Variants in KBTBD8 observed in about 807,000 individuals in gnomAD.
KBTBD8 encodes kelch repeat and BTB domain containing 8.
Under a neutral mutation model 53.5 loss-of-function variants are expected in KBTBD8, and 31 were observed. That is an observed-to-expected ratio of 0.58 (90% CI 0.44 to 0.78). The LOEUF (loss-of-function observed/expected upper bound fraction) is 0.78, where lower values mean the gene tolerates loss of function less well. KBTBD8 is among the 30% of genes least tolerant of loss of function. The probability of loss-of-function intolerance (pLI) is 0.00; values close to 1 mark genes in which losing one functional copy is unlikely to be tolerated. For synonymous variants in KBTBD8, 250 were observed against 247.3 expected (o/e 1.01, Z -0.10); for missense variants, 642 against 735.8 (o/e 0.87, Z 1.48).
intron 2 of KBTBD8, among the ~76,000 whole-genome samples, chr3:67,002,660 G>A (rs1280268709): frequency 2.0e-5 from 3 of 151,584 alleles, no homozygotes; most frequent in South Asian, 4.2e-4. Context: ...GTGCCACCAC[G>A]CCCAGCTAAT....
In KBTBD8 at chr3:67,004,205, G is replaced by A. The variant is rs1490846399; in HGVS notation, c.1238G>A (p.Cys413Tyr). 1 of 1,614,174 alleles carries A rather than the reference G, an allele frequency of 6.2e-7. No homozygotes were observed. The highest frequency in any genetic ancestry group is 1.1e-5 in the South Asian group (1 of 91,084). Residue 413 changes from cysteine (C) to tyrosine (Y), a missense_variant, in exon 3 of 4, where the codon TGC (cysteine) becomes TAC (tyrosine). Physicochemically the swap from Cys to Tyr is radical, Grantham distance 194. Coordinates refer to ENST00000417314, the MANE Select transcript of KBTBD8 (RefSeq NM_032505.3). Reference protein sequence around the residue: ...DGRNSLKSVECYDSRENCWTT... With the variant: ...DGRNSLKSVEYYDSRENCWTT... ...AGAAACTCACTAAAATCTGTTGAGTGCTACGACAGTAGAGAGAATTGTTGG... is the reference window on the plus strand; with the variant it reads ...AGAAACTCACTAAAATCTGTTGAGTACTACGACAGTAGAGAGAATTGTTGG...
At chr3:66,999,706 G>A (rs1701999391) in intron 2 of KBTBD8, among the ~76,000 whole-genome samples, 1 of 151,972 alleles carries the variant, frequency 6.6e-6, no homozygotes. Flanking sequence ...TTAGTGTATG[G>A]GACTCTTTTA....
Position 66,998,981 on chromosome 3 carries a change from A to G in KBTBD8, c.17A>G (p.Asp6Gly). 6.3e-7 allele frequency: 1 copy of G among 1,593,238 alleles called. No individual in the cohort carries two copies. ...AGTTGTACGATTTTTCTCCTCCTAG[A>G]TTTAAGTAAGTCTTCCCCAACACCG... MAASA[D>G]LSKSSPTPNG... The change falls in exon 2 of 4, where the codon GAT (aspartate) becomes GGT (glycine). Residue 6 changes from aspartate (D) to glycine (G), a missense_variant and splice_region_variant. Transcript: ENST00000417314.
rs147369040 is a variant in KBTBD8, at chr3:67,004,474, A to T, written c.1342+165A>T. ...TCTGTAAAGAGCTATAAAGAAAATA[A>T]ACTCTTGAATTAAAAAAAGGCAGGT... On this transcript the variant is annotated intron_variant, in intron 3 of 3. Coordinates refer to ENST00000417314, the MANE Select transcript of KBTBD8 (RefSeq NM_032505.3). Among the ~76,000 whole-genome samples, 79 of 152,330 alleles carry T rather than the reference A, an allele frequency of 5.2e-4. 1 individual carries two copies. Among genetic ancestry groups the T allele is most frequent in the Middle Eastern group, 6.8e-3 (2 of 294 alleles).
In KBTBD8 at chr3:67,010,829, A is replaced by G. The variant is rs1308621401; in HGVS notation, c.*2444A>G. Reference sequence around the variant, plus strand: ...AGTTCCACTTTAACTTTGTTTTTGCATTTGAAGAATGTATGTAGCACTTTC... The same window carrying G: ...AGTTCCACTTTAACTTTGTTTTTGCGTTTGAAGAATGTATGTAGCACTTTC... On this transcript the variant is annotated 3_prime_UTR_variant, in exon 4 of 4. Transcript: ENST00000417314. 6.6e-6 allele frequency: 1 copy of G among 152,636 alleles called. No individual in the cohort carries two copies. Among genetic ancestry groups the G allele is most frequent in the African/African-American group, 2.4e-5 (1 of 41,462 alleles). 9.5% of individuals were successfully genotyped at this position (152,636 alleles called of 1,614,324 possible). A position where few individuals can be genotyped will look rare whatever the true frequency, so the allele number is the denominator to read the frequency against.
rs989660682 is a variant in KBTBD8, at chr3:67,006,747, C to A, written c.1343-1175C>A. 7.2e-5 allele frequency among the ~76,000 whole-genome samples: 11 copies of A among 152,182 alleles called. 1 individual carries two copies. The highest frequency in any genetic ancestry group is 2.2e-4 in the African/African-American group (9 of 41,448). ...CAATTTAGAATCTGGTATTTCTAAT[C>A]TAAACAAAGCCTCTTTACATAAATA... On this transcript the variant is annotated intron_variant, in intron 3 of 3. Transcript: ENST00000417314.
chr3:67,000,059 A>C (rs1702004078), intron 2 of KBTBD8, among the ~76,000 whole-genome samples: 1 of 152,260 alleles, frequency 6.6e-6, no homozygotes, highest in Non-Finnish European at 1.5e-5. Context: ...TGGTGCATAA[A>C]TAATAGTAAA....
intron 1 of KBTBD8, 185 bp from the exon 2 acceptor site, chr3:66,998,796 C>T (rs1363969824): frequency 4.9e-6 from 3 of 611,388 alleles, no homozygotes; most frequent in Admixed American, 2.9e-5. Context: ...CCGCCGATCG[C>T]GCTCCGCCCT....
intron 3 of KBTBD8, among the ~76,000 whole-genome samples, chr3:67,006,989 A>G (rs1281511810): frequency 6.6e-6 from 1 of 152,254 alleles, no homozygotes; most frequent in Non-Finnish European, 1.5e-5. Context: ...AAATCAAAAT[A>G]GAAACTGACT....
At chr3:67,004,808 C>T (rs529338376) in intron 3 of KBTBD8, among the ~76,000 whole-genome samples, 2 of 152,198 alleles carry the variant, frequency 1.3e-5, no homozygotes, top group South Asian at 2.1e-4. Context: ...TTATATAAGC[C>T]TTATTATTGC....
At position 66,999,192 on chromosome 3, in the gene KBTBD8, G is replaced by A; in HGVS notation, c.227+1G>A. The A allele has an allele frequency of 6.2e-7, 1 of 1,613,218 alleles. No individual in the cohort carries two copies. The highest frequency in any genetic ancestry group is 8.5e-7 in the Non-Finnish European group (1 of 1,179,202). The stretch of plus-strand genomic sequence containing the variant: ...TTGCTGCAATCAGCCCTTACTTCAG[G>A]TATGATGATGGTAGGAACTTCTGTT... On this transcript the variant is annotated splice_donor_variant, in intron 2 of 3. Transcript: ENST00000417314. LOFTEE classifies it high-confidence loss of function.
intron 2 of KBTBD8, among the ~76,000 whole-genome samples, chr3:67,001,319 G>A (rs1025777819): frequency 3.9e-5 from 6 of 152,170 alleles, no homozygotes; most frequent in African/African-American, 1.4e-4. Flanking sequence ...AGAACGGCTG[G>A]AAATCTGGAA....
chr3:67,001,050 C>A (rs1413784114), intron 2 of KBTBD8, among the ~76,000 whole-genome samples: 3 of 152,048 alleles, frequency 2.0e-5, no homozygotes, highest in African/African-American at 7.2e-5. Context: ...TTCTAATTTT[C>A]TTGATTCCTT....
At chr3:67,001,893 T>C (rs1360943112) in intron 2 of KBTBD8, among the ~76,000 whole-genome samples, 1 of 152,084 alleles carries the variant, frequency 6.6e-6, no homozygotes, top group African/African-American at 2.4e-5. Context: ...TTTCATAAGA[T>C]CACAAAAATT....
intron 1 of KBTBD8, 83 bp from the exon 2 acceptor site, chr3:66,998,894 TAGCA>T: frequency 9.9e-7 from 1 of 1,010,726 alleles, no homozygotes; most frequent in South Asian, 1.4e-5. Context: ...GGAAAAAGCC[TAGCA>T]AGCAGACACA....
chr3:67,003,267 G>C lies in KBTBD8; in HGVS notation c.300G>C (p.Ser100=). ...EVRIVGVEAE[S]MDLVLNYAYT... ...GAATAGTTGGTGTTGAAGCTGAATC[G>C]ATGGATTTAGTGTTGAACTATGCCT... is the stretch of plus-strand genomic sequence containing the variant. Residue 100 remains serine (S), a synonymous_variant, in exon 3 of 4, where the codon TCG becomes TCC. Coordinates refer to ENST00000417314, the MANE Select transcript of KBTBD8 (RefSeq NM_032505.3). 5.0e-6 allele frequency: 8 copies of C among 1,614,072 alleles called. No individual in the cohort carries two copies. Among genetic ancestry groups the C allele is most frequent in the Non-Finnish European group, 6.8e-6 (8 of 1,179,944 alleles).
chr3:67,008,309 G>T lies in KBTBD8; in HGVS notation c.1730G>T (p.Arg577Leu). 1 of 1,613,606 alleles carries T rather than the reference G, an allele frequency of 6.2e-7. No individual in the cohort carries two copies. The highest frequency in any genetic ancestry group is 8.5e-7 in the Non-Finnish European group (1 of 1,179,988). ...QWMKVYETPD[R>L]LWDLGRHFEC... ...ATGAAAGTGTATGAGACCCCAGATC[G>T]GCTCTGGGACCTTGGCCGGCATTTT... is the stretch of plus-strand genomic sequence containing the variant. Residue 577 changes from arginine to leucine, a missense_variant, in exon 4 of 4, where the codon CGG becomes CTG. Arg to Leu is a moderately radical substitution (Grantham distance 102). Transcript: ENST00000417314.
rs1701982599 is a variant in KBTBD8, at chr3:66,998,472, T to C, written c.16+101T>C. The C allele has an allele frequency of 3.2e-6, 3 of 938,628 alleles. No homozygotes were observed. In the Admixed American group the frequency reaches 1.2e-4, roughly 39 times the overall value. 58.1% of individuals were successfully genotyped at this position (938,628 alleles called of 1,614,324 possible). A position where few individuals can be genotyped will look rare whatever the true frequency, so the allele number is the denominator to read the frequency against. On this transcript the variant is annotated intron_variant, in intron 1 of 3. Coordinates refer to ENST00000417314, the MANE Select transcript of KBTBD8 (RefSeq NM_032505.3). ...GGATGAGGACGTAGCGGTGCGGAGC[T>C]AGAGGGAAGGATGAAGCGGTGGAGG...
chr3:67,001,138 C>G (rs914314374), intron 2 of KBTBD8, among the ~76,000 whole-genome samples: 2 of 151,944 alleles, frequency 1.3e-5, no homozygotes, highest in African/African-American at 4.8e-5. Flanking sequence ...TCTGGGGATA[C>G]GATATGTGCA....
Sources: gnomAD v4.1 joint callset for allele counts (sites outside exome capture counted in the v4.1 genomes callset) on GRCh38, gnomAD v4.1.1 for gene constraint, MANE v1.5 for transcripts, NCBI Gene and HGNC (gene_info 2026-07-23, HGNC 2026-07-21) for gene names.